The following PCCA variants were observed in gnomAD, a reference collection of about 807,000 sequenced individuals.
PCCA encodes propionyl-CoA carboxylase subunit alpha, also known as propionyl-CoA carboxylase alpha chain, mitochondrial.
A neutral mutation model predicts 101.3 loss-of-function variants in PCCA; 74 were observed. The observed-to-expected ratio is 0.73, with a 90% CI of 0.61 to 0.89. PCCA has a LOEUF of 0.89. PCCA is among the 40% of genes least tolerant of loss of function. The probability of loss-of-function intolerance (pLI) is 0.00; values close to 1 mark genes in which losing one functional copy is unlikely to be tolerated. For synonymous variants in PCCA, 294 were observed against 313.6 expected (o/e 0.94, Z 0.66); for missense variants, 891 against 907.0 (o/e 0.98, Z 0.23).
At chr13:100,410,182 C>T (rs1183389723) in intron 19 of PCCA, among the ~76,000 whole-genome samples, 2 of 152,158 alleles carry the variant, frequency 1.3e-5, no homozygotes, top group Middle Eastern at 3.2e-3. Flanking sequence ...AATAGCCTGA[C>T]TAATTATCTA....
At chr13:100,501,798 C>G (rs1339835143) in intron 21 of PCCA, among the ~76,000 whole-genome samples, 3 of 152,054 alleles carry the variant, frequency 2.0e-5, no homozygotes, top group Non-Finnish European at 4.4e-5. Context: ...CACTTGAACC[C>G]GGGTGGCGGA....
At chr13:100,504,657 C>T (rs1236855173) in intron 21 of PCCA, among the ~76,000 whole-genome samples, 1 of 152,166 alleles carries the variant, frequency 6.6e-6, no homozygotes, top group African/African-American at 2.4e-5. Flanking sequence ...CACTTACTGG[C>T]CGGGCACCGT....
Position 100,522,125 on chromosome 13 carries a change from C to T in PCCA, c.2041-5550C>T, listed in dbSNP as rs190150827. Among the ~76,000 whole-genome samples the T allele has an allele frequency of 2.4e-3, 367 of 152,330 alleles. 1 individual carries two copies. Among genetic ancestry groups the T allele is most frequent in the African/African-American group, 8.5e-3 (352 of 41,568 alleles). On this transcript the variant is annotated intron_variant, in intron 22 of 23. Coordinates refer to ENST00000376285, the MANE Select transcript of PCCA (RefSeq NM_000282.4). Reference sequence around the variant, plus strand: ...CGAAATCATTCGGAAGTGCTTCATGCCCTGCTTCTGTACAGCAGATGCTGT... The same window carrying T: ...CGAAATCATTCGGAAGTGCTTCATGTCCTGCTTCTGTACAGCAGATGCTGT...
chr13:100,390,631 G>T lies in PCCA; in HGVS notation c.1746+22057G>T, dbSNP rs550381924. ...GAGACTGTGTCAGAAAACCCAAGAA[G>T]TTGTGTTGTTTCAGAATTTAAAGGA... On this transcript the variant is annotated intron_variant, in intron 19 of 23. Coordinates refer to ENST00000376285, the MANE Select transcript of PCCA (RefSeq NM_000282.4). Among the ~76,000 whole-genome samples, 5 of 152,254 alleles carry T rather than the reference G, an allele frequency of 3.3e-5. No individual in the cohort carries two copies. In the East Asian group the frequency reaches 5.8e-4, roughly 18 times the overall value.
intron 1 of PCCA, among the ~76,000 whole-genome samples, chr13:100,090,785 T>C (rs183805174): frequency 6.6e-6 from 1 of 152,316 alleles, no homozygotes; most frequent in Non-Finnish European, 1.5e-5. Context: ...CAGTCGTATG[T>C]CCCCCATTTA....
In PCCA at chr13:100,527,746, T is replaced by C. The variant is rs765451633; in HGVS notation, c.2112T>C (p.Thr704=). 5.6e-6 allele frequency: 9 copies of C among 1,611,712 alleles called. No individual in the cohort carries two copies. In the Admixed American group the frequency reaches 1.5e-4, roughly 27 times the overall value. Residue 704 remains threonine (T), a synonymous_variant, in exon 23 of 24, where the codon ACT becomes ACC. Coordinates refer to ENST00000376285, the MANE Select transcript of PCCA (RefSeq NM_000282.4). ...AGAATAGTATGACAGCTGGGAAAAC[T>C]GGCACGGTGAGTCCCTAAGTCCCCA... ...KMQNSMTAGK[T]GTVKSVHCQA... is the part of the protein sequence containing the mutation.
At chr13:100,520,622 G>A (rs370266244) in intron 22 of PCCA, among the ~76,000 whole-genome samples, 16 of 114,708 alleles carry the variant, frequency 1.4e-4, no homozygotes, top group South Asian at 6.2e-4. Context: ...GCGACAGAGC[G>A]AGACTCCGTC....
rs555113742 is a variant in PCCA, at chr13:100,285,884, G to T, written c.1065+12538G>T. The stretch of plus-strand genomic sequence containing the variant: ...AAGGGCAGGTTACGCCATAGTTAGT[G>T]ATGTAACCATACTTGAAAGCAAGCC... On this transcript the variant is annotated intron_variant, in intron 12 of 23. Coordinates refer to ENST00000376285, the MANE Select transcript of PCCA (RefSeq NM_000282.4). 1.2e-3 allele frequency among the ~76,000 whole-genome samples: 189 copies of T among 152,326 alleles called. 1 individual carries two copies. Among genetic ancestry groups the T allele is most frequent in the African/African-American group, 4.4e-3 (181 of 41,560 alleles).
chr13:100,226,115 CAG>C (rs1336890705), intron 7 of PCCA, among the ~76,000 whole-genome samples: 1 of 152,128 alleles, frequency 6.6e-6, no homozygotes, highest in Non-Finnish European at 1.5e-5. Flanking sequence ...TATATTAAAA[CAG>C]AAAGAATCTT....
chr13:100,358,750 A>G (rs532072437), intron 18 of PCCA, among the ~76,000 whole-genome samples: 1 of 152,328 alleles, frequency 6.6e-6, no homozygotes, highest in African/African-American at 2.4e-5. Flanking sequence ...TATTACCTTG[A>G]TTGTGGTGAT....
chr13:100,486,113 C>T (rs1352626406), intron 21 of PCCA, among the ~76,000 whole-genome samples: 1 of 152,208 alleles, frequency 6.6e-6, no homozygotes, highest in Non-Finnish European at 1.5e-5. Flanking sequence ...CCACCGTCTG[C>T]CTGAAAACTG....
chr13:100,322,635 G>C (rs2152719450), intron 16 of PCCA, among the ~76,000 whole-genome samples: 1 of 151,440 alleles, frequency 6.6e-6, no homozygotes, highest in Admixed American at 6.6e-5. Context: ...CAGTGATGCA[G>C]CCGTAGCTCA....
intron 18 of PCCA, among the ~76,000 whole-genome samples, chr13:100,357,462 T>A (rs1038441087): frequency 6.6e-6 from 1 of 152,252 alleles, no homozygotes; most frequent in Non-Finnish European, 1.5e-5. Flanking sequence ...GTGGAAGTAG[T>A]AGATGTATGT....
intron 8 of PCCA, among the ~76,000 whole-genome samples, chr13:100,245,256 T>G (rs567890832): frequency 2.5e-4 from 38 of 152,300 alleles, no homozygotes; most frequent in African/African-American, 8.7e-4. Flanking sequence ...TTAAACTGTT[T>G]CCTTGTTTGT....
chr13:100,492,479 G>A (rs955439447), intron 21 of PCCA, among the ~76,000 whole-genome samples: 10 of 152,014 alleles, frequency 6.6e-5, no homozygotes, highest in African/African-American at 1.4e-4. Flanking sequence ...AACTGCAGAA[G>A]GGTGTTTGCA....
chr13:100,440,194 ATATATATATATATAT>A lies in PCCA; in HGVS notation c.1846-9057_1846-9043del, dbSNP rs1566308335. 4.2e-4 allele frequency among the ~76,000 whole-genome samples: 43 copies of A among 101,404 alleles called. No individual in the cohort carries two copies. The South Asian group carries it at 6.5e-3, about 15-fold the overall frequency. The allele number at this position is 101,404 out of a possible 152,430, so 66.5% of individuals were successfully genotyped here. ...TATATATATATATATATATATATAT[ATATATATATATATAT>A]AAAACGTGATAACTTAAAATGCCCA... On this transcript the variant is annotated intron_variant, in intron 20 of 23. Coordinates refer to ENST00000376285, the MANE Select transcript of PCCA (RefSeq NM_000282.4).
At chr13:100,187,896 G>A (rs1322675670) in intron 6 of PCCA, among the ~76,000 whole-genome samples, 5 of 146,086 alleles carry the variant, frequency 3.4e-5, no homozygotes, top group Non-Finnish European at 6.0e-5. Flanking sequence ...TTTATCCCCC[G>A]CCCCCTTCCC....
intron 21 of PCCA, among the ~76,000 whole-genome samples, chr13:100,496,605 G>A (rs1395768825): frequency 6.6e-6 from 1 of 151,950 alleles, no homozygotes; most frequent in East Asian, 1.9e-4. Context: ...GGTTCAGGTG[G>A]TGTTTGTCCC....
chr13:100,155,326 A>T (rs1276717059), intron 5 of PCCA, among the ~76,000 whole-genome samples: 1 of 152,254 alleles, frequency 6.6e-6, no homozygotes, highest in African/African-American at 2.4e-5. Flanking sequence ...CTTTCACACC[A>T]GGGAGCAGTT....
Sources: gnomAD v4.1 joint callset for allele counts (sites outside exome capture counted in the v4.1 genomes callset) on GRCh38, gnomAD v4.1.1 for gene constraint, MANE v1.5 for transcripts, NCBI Gene and HGNC (gene_info 2026-07-23, HGNC 2026-07-21) for gene names.